SNX1: variants seen among roughly 807,000 people sequenced by gnomAD.
SNX1 encodes sorting nexin-1.
SNX1 carries 36 observed loss-of-function variants against 71.8 expected under a neutral mutation model. That is an observed-to-expected ratio of 0.50 (90% confidence interval 0.38 to 0.66). The LOEUF (loss-of-function observed/expected upper bound fraction) is 0.66, where lower values mean the gene tolerates loss of function less well. Ranked by LOEUF, SNX1 falls within the 30% of genes least tolerant of loss-of-function variation. The pLI is 0.00. For synonymous variants in SNX1, 254 were observed against 240.7 expected (o/e 1.06, Z -0.51); for missense variants, 612 against 646.7 (o/e 0.95, Z 0.58).
rs929070318 is a variant in SNX1 at position 64,104,422 on chromosome 15, G to A, written c.160-8151G>A. Among the ~76,000 whole-genome samples the A allele has an allele frequency of 1.3e-4, 20 of 151,784 alleles. No homozygotes were observed. In the South Asian group the frequency reaches 1.9e-3, roughly 14 times the overall value. ...CGAGTAGCTGGGACTACAGGCGCCCGCCACCACGCCCGGCTAATTTTTTTG... is the reference window on the plus strand; with the variant it reads ...CGAGTAGCTGGGACTACAGGCGCCCACCACCACGCCCGGCTAATTTTTTTG... On this transcript the variant is annotated intron_variant, in intron 1 of 14. Transcript: ENST00000559844.
At chr15:64,109,612 T>C (rs1394655261) in intron 1 of SNX1, among the ~76,000 whole-genome samples, 1 of 152,094 alleles carries the variant, frequency 6.6e-6, no homozygotes, top group South Asian at 2.1e-4. Flanking sequence ...GTTCAAGCAG[T>C]TCTCCCTGCC....
At chr15:64,103,132 G>A (rs893982265) in intron 1 of SNX1, among the ~76,000 whole-genome samples, 4 of 152,102 alleles carry the variant, frequency 2.6e-5, no homozygotes, top group Non-Finnish European at 5.9e-5. Flanking sequence ...TATCTTGACT[G>A]TTGTGAATAG....
intron 5 of SNX1, among the ~76,000 whole-genome samples, chr15:64,124,737 G>A (rs1037041556): frequency 2.0e-5 from 3 of 152,150 alleles, no homozygotes; most frequent in Non-Finnish European, 2.9e-5. Context: ...TCTAGAGTAT[G>A]TAACCAGGAG....
chr15:64,135,637 T>G (rs1012340797), intron 12 of SNX1, among the ~76,000 whole-genome samples: 1 of 151,242 alleles, frequency 6.6e-6, no homozygotes, highest in Admixed American at 6.6e-5. Flanking sequence ...CACCCACTTA[T>G]AGTCTCAGAT....
chr15:64,113,825 TAAAG>T (rs72145809), intron 2 of SNX1, among the ~76,000 whole-genome samples: 88,183 of 149,054 alleles, frequency 0.59, 31,196 homozygotes, highest in East Asian at 0.8. Context: ...CATCTCAAAA[TAAAG>T]AAAGAAAGAA....
At position 64,141,167 on chromosome 15, in the gene SNX1, C is replaced by T. The variant is rs8031391; in HGVS notation, c.*3549C>T. ...CCCTGTAGGTTTATTCCAGTCTGCC[C>T]CCTTTTCCATGTTGTTAACTCTTTC... On this transcript the variant is annotated 3_prime_UTR_variant, in exon 15 of 15. Transcript: ENST00000559844. The surrounding 1 kb of genome is among the most constrained non-coding windows in gnomAD (Gnocchi z 5.1). 621 of 152,292 alleles carry T rather than the reference C, an allele frequency of 4.1e-3. 6 individuals are homozygous for T. Among genetic ancestry groups the T allele is most frequent in the African/African-American group, 0.014 (584 of 41,556 alleles). The allele number at this position is 152,292 out of a possible 1,614,324, so 9.4% of individuals were successfully genotyped here.
intron 1 of SNX1, among the ~76,000 whole-genome samples, chr15:64,097,597 A>G (rs2080916609): frequency 6.6e-6 from 1 of 152,178 alleles, no homozygotes; most frequent in South Asian, 2.1e-4. Flanking sequence ...CGGGTCTCTA[A>G]TAAGAGTTAG....
intron 11 of SNX1, among the ~76,000 whole-genome samples, chr15:64,132,163 G>T (rs573876457): frequency 8.5e-5 from 13 of 152,306 alleles, no homozygotes; most frequent in African/African-American, 3.1e-4. Context: ...GCCCTTTATT[G>T]TTGAGGCCAG....
chr15:64,133,210 C>T (rs1288293537), intron 11 of SNX1, among the ~76,000 whole-genome samples: 1 of 152,226 alleles, frequency 6.6e-6, no homozygotes, highest in Admixed American at 6.5e-5. Context: ...GGTTTCTTTT[C>T]TGCTCTTCCC....
At chr15:64,126,704 C>T (rs903446438) in intron 6 of SNX1, among the ~76,000 whole-genome samples, 6 of 152,106 alleles carry the variant, frequency 3.9e-5, no homozygotes, top group South Asian at 2.1e-4. Flanking sequence ...CTCAGCCTCC[C>T]GCTTAGCTGG....
chr15:64,113,180 C>T (rs935509068), intron 2 of SNX1, among the ~76,000 whole-genome samples: 1 of 152,204 alleles, frequency 6.6e-6, no homozygotes, highest in African/African-American at 2.4e-5. Context: ...CTTTGCAACA[C>T]ATTGAATTGA....
rs527556419 is a variant in SNX1 at position 64,114,233 on chromosome 15, A to C, written c.271+1549A>C. Among the ~76,000 whole-genome samples the C allele has an allele frequency of 2.3e-3, 343 of 152,356 alleles. 4 individuals carry two copies. In the South Asian group the frequency reaches 0.03, roughly 13 times the overall value. On this transcript the variant is annotated intron_variant, in intron 2 of 14. Transcript: ENST00000559844. ...AGATAATTTTTCGAAGGTAATCACAAACTAGTTCAAGAATGAAATAGCAAA... is the reference window on the plus strand; with the variant it reads ...AGATAATTTTTCGAAGGTAATCACACACTAGTTCAAGAATGAAATAGCAAA...
chr15:64,104,314 C>T (rs866808883), intron 1 of SNX1, among the ~76,000 whole-genome samples: 2 of 148,322 alleles, frequency 1.3e-5, no homozygotes, highest in Non-Finnish European at 1.5e-5. Flanking sequence ...GCTGTGTCGC[C>T]CCAGCTGGAG....
At chr15:64,107,949 T>C (rs1426283608) in intron 1 of SNX1, among the ~76,000 whole-genome samples, 1 of 152,134 alleles carries the variant, frequency 6.6e-6, no homozygotes, top group East Asian at 1.9e-4. Flanking sequence ...ATCCCAGCAC[T>C]TTGGGAAGCC....
rs2081281030 is a variant in SNX1 at position 64,129,061 on chromosome 15, A to G, written c.808-855A>G. Among the ~76,000 whole-genome samples the G allele has an allele frequency of 1.3e-5, 2 of 152,082 alleles. No homozygotes were observed. The highest frequency in any genetic ancestry group is 4.2e-4 in the South Asian group (2 of 4,814). On this transcript the variant is annotated intron_variant, in intron 8 of 14. Coordinates refer to ENST00000559844, the MANE Select transcript of SNX1 (RefSeq NM_003099.5). This position sits in a 1 kb window ranked among gnomAD's most constrained non-coding sequence, Gnocchi z 4.4. ...CAGGAGTTCGAGACCAGCCTGGCCA[A>G]CATGGCAAAATCCTGTCTCTACTAA...
rs2080911942 is a variant in SNX1, at chr15:64,097,191, GCCTGC to G, written c.159+1020_159+1024del. ...CAGATGAACGGATGGTCCCTGCTTG[GCCTGC>G]GGCCAGTCTAAGGCACTCTCCCTTT... On this transcript the variant is annotated intron_variant, in intron 1 of 14. Coordinates refer to ENST00000559844, the MANE Select transcript of SNX1 (RefSeq NM_003099.5). Among the ~76,000 whole-genome samples, 4 of 152,312 alleles carry G rather than the reference GCCTGC, an allele frequency of 2.6e-5. No individual in the cohort carries two copies. In the South Asian group the frequency reaches 8.3e-4, roughly 32 times the overall value.
intron 5 of SNX1, among the ~76,000 whole-genome samples, chr15:64,125,566 G>A (rs774378966): frequency 6.6e-6 from 1 of 151,446 alleles, no homozygotes; most frequent in Non-Finnish European, 1.5e-5. Context: ...GATCGCTTAA[G>A]CCCAGGAGTT....
chr15:64,124,334 GTC>G (rs1321486570), intron 5 of SNX1, among the ~76,000 whole-genome samples: 2 of 151,120 alleles, frequency 1.3e-5, no homozygotes, highest in Admixed American at 1.3e-4. Context: ...GGGAAACCCT[GTC>G]TCTACTAAAA....
At chr15:64,100,463 G>A (rs951592738) in intron 1 of SNX1, among the ~76,000 whole-genome samples, 1 of 152,034 alleles carries the variant, frequency 6.6e-6, no homozygotes, top group Non-Finnish European at 1.5e-5. Context: ...AGCCGGGCGT[G>A]GTGGCACACA....
Sources: allele counts gnomAD v4.1 joint callset (sites outside exome capture counted in the v4.1 genomes callset), GRCh38; gene constraint gnomAD v4.1.1; non-coding constraint Gnocchi (gnomAD v3.1); transcripts MANE v1.5; gene names NCBI Gene and HGNC (gene_info 2026-07-23, HGNC 2026-07-21).